The following LDLRAD3 variants were observed in gnomAD, a reference collection of about 807,000 sequenced individuals.
The protein encoded by LDLRAD3 is low density lipoprotein receptor class A domain containing 3.
LDLRAD3 carries 20 observed loss-of-function variants against 29.4 expected under a neutral mutation model. That is an observed-to-expected ratio of 0.68 (90% confidence interval 0.48 to 0.99). The LOEUF (loss-of-function observed/expected upper bound fraction) is 0.99. LDLRAD3 is among the 50% of genes least tolerant of loss of function. The pLI is 0.00. For synonymous variants in LDLRAD3, 157 were observed against 192.7 expected, an observed-to-expected ratio of 0.81 and a Z score of 1.53; for missense variants, 420 against 454.3, an observed-to-expected ratio of 0.92 and a Z score of 0.69.
intron 1 of LDLRAD3, among the ~76,000 whole-genome samples, chr11:35,975,782 A>C (rs1215715328): frequency 6.6e-6 from 1 of 152,126 alleles, no homozygotes; most frequent in Non-Finnish European, 1.5e-5. Context: ...GGAACCTTCA[A>C]ATGGGCTGAG....
intron 4 of LDLRAD3, among the ~76,000 whole-genome samples, chr11:36,165,171 T>G (rs921069437): frequency 4.6e-5 from 7 of 152,208 alleles, no homozygotes; most frequent in Non-Finnish European, 7.3e-5. Flanking sequence ...TTTTTCCCAC[T>G]TATATTAATA....
At chr11:36,097,282 G>T (rs1452804737) in intron 3 of LDLRAD3, among the ~76,000 whole-genome samples, 2 of 152,176 alleles carry the variant, frequency 1.3e-5, no homozygotes. Flanking sequence ...AATAAGTGAG[G>T]AATTAAAAGG....
At chr11:36,209,640 G>A (rs987938404) in intron 4 of LDLRAD3, among the ~76,000 whole-genome samples, 3 of 152,060 alleles carry the variant, frequency 2.0e-5, no homozygotes, top group Non-Finnish European at 2.9e-5. Flanking sequence ...TTACAGGTGT[G>A]AACCACCATG....
At chr11:36,029,881 C>G (rs1181351193) in intron 1 of LDLRAD3, among the ~76,000 whole-genome samples, 1 of 152,212 alleles carries the variant, frequency 6.6e-6, no homozygotes, top group Non-Finnish European at 1.5e-5. Context: ...CTCACTATCC[C>G]GGTGACTGGC....
At position 36,098,403 on chromosome 11, in the gene LDLRAD3, C is replaced by T. The variant is rs1470541205; in HGVS notation, c.396C>T (p.Cys132=). 2.5e-6 allele frequency: 4 copies of T among 1,614,184 alleles called. No individual in the cohort carries two copies. The highest frequency in any genetic ancestry group is 1.6e-4 in the Middle Eastern group (1 of 6,062). The change falls in exon 4 of 6, where the codon TGC becomes TGT. Residue 132 remains cysteine (C), a synonymous_variant. Transcript: ENST00000315571. The stretch of plus-strand genomic sequence containing the variant: ...TCTGTATTGACAAGAGCTTCATCTG[C>T]GATGGACAGAATAACTGTCAAGACA... ...NGLCIDKSFI[C]DGQNNCQDNS...
intron 2 of LDLRAD3, among the ~76,000 whole-genome samples, chr11:36,049,573 A>G (rs943078539): frequency 1.3e-5 from 2 of 152,194 alleles, no homozygotes; most frequent in Non-Finnish European, 2.9e-5. Context: ...AGCTTTTGAC[A>G]TGGTTAATGT....
chr11:36,003,071 T>C (rs1189950476), intron 1 of LDLRAD3, among the ~76,000 whole-genome samples: 1 of 152,244 alleles, frequency 6.6e-6, no homozygotes, highest in Non-Finnish European at 1.5e-5. Flanking sequence ...GTCATAACTT[T>C]GAGTGCTCAA....
rs369392806 is a variant in LDLRAD3, at chr11:36,180,607, C to A, written c.455-46478C>A. On this transcript the variant is annotated intron_variant, in intron 4 of 5. Coordinates refer to ENST00000315571, the MANE Select transcript of LDLRAD3 (RefSeq NM_174902.4). ...TGCCTCTACTCTGGGTGACACGGAGCGCATGGACAGTTTTGAGTGGAGGAG... is the reference window on the plus strand; with the variant it reads ...TGCCTCTACTCTGGGTGACACGGAGAGCATGGACAGTTTTGAGTGGAGGAG... Among the ~76,000 whole-genome samples the A allele has an allele frequency of 2.8e-4, 43 of 152,174 alleles. No homozygotes were observed. The East Asian group carries it at 4.5e-3, about 16-fold the overall frequency.
chr11:35,979,592 C>T (rs764182280), intron 1 of LDLRAD3, among the ~76,000 whole-genome samples: 6 of 152,128 alleles, frequency 3.9e-5, no homozygotes, highest in Non-Finnish European at 7.3e-5. Flanking sequence ...TTTAGACGAG[C>T]GTTGAGACTG....
At chr11:35,959,161 G>A (rs943857610) in intron 1 of LDLRAD3, among the ~76,000 whole-genome samples, 2 of 152,184 alleles carry the variant, frequency 1.3e-5, no homozygotes, top group East Asian at 1.9e-4. Flanking sequence ...ACAGCTCAGC[G>A]CAGCCGTATG....
intron 3 of LDLRAD3, among the ~76,000 whole-genome samples, chr11:36,088,385 A>G (rs1220770213): frequency 2.0e-5 from 3 of 152,098 alleles, no homozygotes; most frequent in African/African-American, 2.4e-5. Context: ...CTGGGGGACC[A>G]CGATAGAAAA....
At chr11:36,174,939 G>A (rs904133768) in intron 4 of LDLRAD3, among the ~76,000 whole-genome samples, 6 of 152,028 alleles carry the variant, frequency 3.9e-5, no homozygotes, top group Admixed American at 6.6e-5. Context: ...CTGAGATCGT[G>A]CTACTCCACT....
chr11:35,961,290 G>A (rs968222833), intron 1 of LDLRAD3, among the ~76,000 whole-genome samples: 5 of 152,214 alleles, frequency 3.3e-5, no homozygotes, highest in African/African-American at 4.8e-5. Flanking sequence ...GCAGTGGTGA[G>A]CCCTTTTCTA....
Position 36,213,317 on chromosome 11 carries a change from T to C in LDLRAD3, c.455-13768T>C, listed in dbSNP as rs1161408267. ...CCATCACCCTCTTTTCAGTTAATTT[T>C]AGCAACTTGAGTTGCCATGGTAATG... On this transcript the variant is annotated intron_variant, in intron 4 of 5. Coordinates refer to ENST00000315571, the MANE Select transcript of LDLRAD3 (RefSeq NM_174902.4). This position sits in a 1 kb window ranked among gnomAD's most constrained non-coding sequence, Gnocchi z 4.1. Among the ~76,000 whole-genome samples, 1 of 152,222 alleles carries C rather than the reference T, an allele frequency of 6.6e-6. No individual in the cohort carries two copies. Among genetic ancestry groups the C allele is most frequent in the East Asian group, 1.9e-4 (1 of 5,194 alleles).
intron 4 of LDLRAD3, among the ~76,000 whole-genome samples, chr11:36,199,445 T>C (rs1359129440): frequency 6.6e-6 from 1 of 152,198 alleles, no homozygotes; most frequent in Non-Finnish European, 1.5e-5. Flanking sequence ...TTCCACCTCT[T>C]TCTCCTCCTC....
At chr11:36,226,738 G>C (rs1484285438) in intron 4 of LDLRAD3, among the ~76,000 whole-genome samples, 1 of 152,130 alleles carries the variant, frequency 6.6e-6, no homozygotes, top group Non-Finnish European at 1.5e-5. Context: ...TTCTGTCTCT[G>C]TAAAATTGCC....
At chr11:36,109,996 G>A (rs985152719) in intron 4 of LDLRAD3, 27 of 152,188 alleles carry the variant, frequency 1.8e-4, no homozygotes, top group African/African-American at 6.3e-4. Context: ...TTAATTTAGA[G>A]TTTGAAAGCC....
At chr11:36,188,634 A>G (rs1854891969) in intron 4 of LDLRAD3, among the ~76,000 whole-genome samples, 1 of 152,268 alleles carries the variant, frequency 6.6e-6, no homozygotes, top group African/African-American at 2.4e-5. Flanking sequence ...CCTATGCTAC[A>G]CAGCCTAGCG....
intron 4 of LDLRAD3, among the ~76,000 whole-genome samples, chr11:36,214,106 G>A (rs1855320901): frequency 6.6e-6 from 1 of 152,170 alleles, no homozygotes; most frequent in Non-Finnish European, 1.5e-5. Flanking sequence ...AGGCTGTGGG[G>A]CCCAGCGTTG....
Sources: gnomAD v4.1 joint callset for allele counts (sites outside exome capture counted in the v4.1 genomes callset) on GRCh38, gnomAD v4.1.1 for gene constraint, Gnocchi (gnomAD v3.1) non-coding constraint, MANE v1.5 for transcripts, NCBI Gene and HGNC (gene_info 2026-07-23, HGNC 2026-07-21) for gene names.